The following CBFA2T2 variants were observed in gnomAD, a reference collection of about 807,000 sequenced individuals.
CBFA2T2 encodes the protein CBFA2/RUNX1 partner transcriptional co-repressor 2.
Under a neutral mutation model 62.2 loss-of-function variants are expected in CBFA2T2, and 11 were observed. The ratio of observed to expected loss-of-function variants is 0.18; its 90% confidence interval spans 0.11 to 0.29. The LOEUF (loss-of-function observed/expected upper bound fraction) is 0.29. CBFA2T2 is among the 10% of genes least tolerant of loss of function. The pLI, the probability that CBFA2T2 is intolerant of heterozygous loss-of-function variation, is 1.00. For missense variants in CBFA2T2, 592 were observed against 774.1 expected (o/e 0.76, Z 2.79); for synonymous variants, 295 against 287.5 (o/e 1.03, Z -0.27).
At chr20:33,549,570 A>G (rs1568813936) in intron 1 of CBFA2T2, among the ~76,000 whole-genome samples, 1 of 152,168 alleles carries the variant, frequency 6.6e-6, no homozygotes, top group East Asian at 1.9e-4. Context: ...TGAAAGCAAG[A>G]TTAGTAGTGG....
intron 1 of CBFA2T2, among the ~76,000 whole-genome samples, chr20:33,572,109 T>A (rs1049243063): frequency 6.6e-6 from 1 of 152,226 alleles, no homozygotes; most frequent in African/African-American, 2.4e-5. Flanking sequence ...GCCAGGCTGG[T>A]CTTGAACTCC....
intron 1 of CBFA2T2, among the ~76,000 whole-genome samples, chr20:33,505,595 A>C (rs546342293): frequency 6.6e-6 from 1 of 152,148 alleles, no homozygotes; most frequent in Non-Finnish European, 1.5e-5. Flanking sequence ...ACCAGCCTCA[A>C]CATGGAGAAA....
intron 1 of CBFA2T2, among the ~76,000 whole-genome samples, chr20:33,538,064 GCTGACGTCTTAA>G (rs973285585): frequency 2.7e-4 from 41 of 150,560 alleles, no homozygotes; most frequent in African/African-American, 9.7e-4. Flanking sequence ...TGGGGGAAGA[GCTGACGTCTTAA>G]CAGTTTAGGA....
At chr20:33,627,433 A>T (rs1368348009) in intron 6 of CBFA2T2, among the ~76,000 whole-genome samples, 4 of 152,046 alleles carry the variant, frequency 2.6e-5, no homozygotes, top group African/African-American at 9.7e-5. Context: ...GATTGGAAAT[A>T]GCACAGTGGG....
intron 1 of CBFA2T2, among the ~76,000 whole-genome samples, chr20:33,570,325 C>T (rs375719022): frequency 6.6e-6 from 1 of 152,132 alleles, no homozygotes. Flanking sequence ...TGAAAAGCCC[C>T]TGGCAGCCAA....
At chr20:33,559,802 T>C (rs2013028654) in intron 1 of CBFA2T2, among the ~76,000 whole-genome samples, 1 of 152,232 alleles carries the variant, frequency 6.6e-6, no homozygotes, top group Non-Finnish European at 1.5e-5. Flanking sequence ...GGTCATTTTT[T>C]ATTGCTCCTC....
intron 1 of CBFA2T2, among the ~76,000 whole-genome samples, chr20:33,520,041 A>T (rs1176668256): frequency 6.6e-6 from 1 of 152,116 alleles, no homozygotes; most frequent in Non-Finnish European, 1.5e-5. Flanking sequence ...GCTACTCGGG[A>T]GGCTGAGGCA....
intron 1 of CBFA2T2, among the ~76,000 whole-genome samples, chr20:33,549,934 G>A (rs1392213941): frequency 2.0e-5 from 3 of 151,020 alleles, no homozygotes; most frequent in Admixed American, 6.6e-5. Context: ...TAGAACACTG[G>A]CAGTTGGGGT....
chr20:33,490,332 G>C lies in CBFA2T2; in HGVS notation c.34+31G>C, dbSNP rs761991094. On this transcript the variant is annotated intron_variant, in intron 1 of 10. Transcript: ENST00000342704. Reference sequence around the variant, plus strand: ...TGGGGCGTGAATGCGGGCGGCCGAGGGGGGCGTGTGAGGGCCTGCGGCTCC... The same window carrying C: ...TGGGGCGTGAATGCGGGCGGCCGAGCGGGGCGTGTGAGGGCCTGCGGCTCC... 2.5e-5 allele frequency: 32 copies of C among 1,276,154 alleles called. 1 individual carries two copies. The South Asian group carries it at 9.1e-4, about 36-fold the overall frequency. 79.1% of individuals were successfully genotyped at this position (1,276,154 alleles called of 1,614,324 possible).
intron 1 of CBFA2T2, among the ~76,000 whole-genome samples, chr20:33,576,433 T>C (rs2013829689): frequency 6.6e-6 from 1 of 152,210 alleles, no homozygotes; most frequent in African/African-American, 2.4e-5. Flanking sequence ...TAGCCTTATA[T>C]TTGCATGGTG....
At chr20:33,629,685 A>C in intron 7 of CBFA2T2, 34 bp from the exon 8 acceptor site, 1 of 1,584,648 alleles carries the variant, frequency 6.3e-7, no homozygotes, top group Non-Finnish European at 8.6e-7. Context: ...GAATGTTCTT[A>C]TCTCATCTCT....
At chr20:33,552,071 C>T (rs1337681449) in intron 1 of CBFA2T2, among the ~76,000 whole-genome samples, 1 of 149,036 alleles carries the variant, frequency 6.7e-6, no homozygotes, top group African/African-American at 2.5e-5. Context: ...TGATTGCTTC[C>T]CTGGTTTTTT....
intron 1 of CBFA2T2, among the ~76,000 whole-genome samples, chr20:33,535,266 C>G (rs557558864): frequency 1.7e-4 from 26 of 152,234 alleles, no homozygotes; most frequent in African/African-American, 6.0e-4. Context: ...CTACATAGAG[C>G]TTTTTACAAA....
chr20:33,498,813 C>T (rs1488026624), intron 1 of CBFA2T2, among the ~76,000 whole-genome samples: 6 of 151,678 alleles, frequency 4.0e-5, no homozygotes, highest in South Asian at 2.1e-4. Context: ...GAGGCCGAGG[C>T]GGGCGGATCA....
intron 1 of CBFA2T2, among the ~76,000 whole-genome samples, chr20:33,585,015 G>C (rs943737529): frequency 6.6e-6 from 1 of 152,080 alleles, no homozygotes; most frequent in Non-Finnish European, 1.5e-5. Context: ...CTGGGGTTTA[G>C]GGCTTCTGAC....
chr20:33,628,053 T>C (rs1323957069), intron 6 of CBFA2T2, among the ~76,000 whole-genome samples: 2 of 152,264 alleles, frequency 1.3e-5, no homozygotes, highest in African/African-American at 4.8e-5. Context: ...CATTTTAATT[T>C]TTTCCAGTAT....
intron 1 of CBFA2T2, among the ~76,000 whole-genome samples, chr20:33,513,551 C>T (rs758494503): frequency 1.3e-5 from 2 of 151,446 alleles, no homozygotes; most frequent in East Asian, 2.0e-4. Context: ...TTAGTAGAGA[C>T]GGGGTTTCAC....
rs770966057 is a variant in CBFA2T2, at chr20:33,624,970, A to G, written c.899A>G (p.Asn300Ser). ...IATSHLYREP[N>S]KMLEHREVRD... Reference sequence around the variant, plus strand: ...ACTTCTCACCTGTATCGGGAACCCAACAAGATGCTAGAGCATCGAGAAGTT... The same window carrying G: ...ACTTCTCACCTGTATCGGGAACCCAGCAAGATGCTAGAGCATCGAGAAGTT... Residue 300 changes from asparagine to serine, a missense_variant, in exon 6 of 11, where the codon AAC becomes AGC. By Grantham distance (46) the Asn-to-Ser change is conservative. This residue lies in a region of CBFA2T2 where 449 missense variants were observed against 551.2 expected (regional missense o/e 0.81). Transcript: ENST00000342704. The G allele has an allele frequency of 3.0e-5, 48 of 1,614,084 alleles. No homozygotes were observed. Among genetic ancestry groups the G allele is most frequent in the Middle Eastern group, 3.3e-4 (2 of 6,084 alleles).
intron 1 of CBFA2T2, among the ~76,000 whole-genome samples, chr20:33,583,737 A>G (rs2014222133): frequency 6.6e-6 from 1 of 152,108 alleles, no homozygotes; most frequent in African/African-American, 2.4e-5. Context: ...GTGTGCTGTT[A>G]TATTATGCAT....
Sources: gnomAD v4.1 joint callset for allele counts (sites outside exome capture counted in the v4.1 genomes callset) on GRCh38, gnomAD v4.1.1 for gene constraint, gnomAD v4.1.1 regional missense constraint, MANE v1.5 for transcripts, NCBI Gene and HGNC (gene_info 2026-07-23, HGNC 2026-07-21) for gene names.